The following RBBP6 variants were observed in gnomAD, a reference collection of about 807,000 sequenced individuals.
RBBP6 encodes the protein E3 ubiquitin-protein ligase RBBP6.
RBBP6 carries 25 observed loss-of-function variants against 167.7 expected under a neutral mutation model. That is an observed-to-expected ratio of 0.15 (90% confidence interval 0.11 to 0.21). The LOEUF (loss-of-function observed/expected upper bound fraction) is 0.21, where lower values mean the gene tolerates loss of function less well. RBBP6 is among the 10% of genes least tolerant of loss of function. The probability of loss-of-function intolerance (pLI) is 1.00; values close to 1 mark genes in which losing one functional copy is unlikely to be tolerated. For missense variants in RBBP6, 1,868 were observed against 2,134.2 expected, an observed-to-expected ratio of 0.88 and a Z score of 2.46; for synonymous variants, 789 against 735.8, an observed-to-expected ratio of 1.07 and a Z score of -1.17.
chr16:24,568,005 AG>A (rs1234741735), intron 16 of RBBP6, 112 bp downstream of exon 16: 2 of 837,078 alleles, frequency 2.4e-6, no homozygotes, highest in East Asian at 5.3e-5. Flanking sequence ...GATTCGGTCT[AG>A]GTGTATAGAA....
intron 7 of RBBP6, chr16:24,558,349 GTTTCTT>G (rs1431681066): frequency 5.7e-5 from 27 of 477,532 alleles, no homozygotes; most frequent in Non-Finnish European, 6.0e-5. Context: ...CTCTTCTTCT[GTTTCTT>G]TTTCTATCCT....
chr16:24,561,688 T>A lies in RBBP6; in HGVS notation c.924T>A (p.Ala308=), dbSNP rs201845906. ...TCHQNDVSPD[A]LIANKFLRQA... is the part of the protein sequence containing the mutation. Reference sequence around the variant, plus strand: ...ATCAAAATGATGTTTCTCCTGATGCTTTAATTGCCAATAAATTTTTACGAC... The same window carrying A: ...ATCAAAATGATGTTTCTCCTGATGCATTAATTGCCAATAAATTTTTACGAC... Residue 308 remains alanine (A), a synonymous_variant, in exon 9 of 18, where the codon GCT becomes GCA. Transcript: ENST00000319715. 14 of 1,614,132 alleles carry A rather than the reference T, an allele frequency of 8.7e-6. No homozygotes were observed. The East Asian group carries it at 3.1e-4, about 36-fold the overall frequency.
At chr16:24,546,334 G>C (rs761109154) in intron 2 of RBBP6, 72 bp downstream of exon 2, 27 of 1,405,418 alleles carry the variant, frequency 1.9e-5, no homozygotes, top group Non-Finnish European at 2.4e-5. Context: ...AGAAAAAACT[G>C]TATTTTAGAA....
intron 7 of RBBP6, 73 bp from the exon 8 acceptor site, chr16:24,559,432 G>A (rs934197010): frequency 7.8e-5 from 99 of 1,266,562 alleles, no homozygotes; most frequent in Admixed American, 5.4e-4. Context: ...TTCCCATTAT[G>A]TTATAGTAGA....
chr16:24,567,973 C>G, intron 16 of RBBP6, 80 bp downstream of exon 16: 1 of 1,195,414 alleles, frequency 8.4e-7, no homozygotes, highest in Non-Finnish European at 1.2e-6. Context: ...ATATAAAGAA[C>G]ATTGCACTTA....
intron 5 of RBBP6, 51 bp from the exon 6 acceptor site, chr16:24,555,770 A>C: frequency 2.5e-6 from 4 of 1,585,552 alleles, no homozygotes; most frequent in Non-Finnish European, 3.5e-6. Context: ...AATCAAAAGC[A>C]CTATTTTTTC....
At chr16:24,541,759 T>C (rs530571930) in intron 1 of RBBP6, among the ~76,000 whole-genome samples, 2 of 152,360 alleles carry the variant, frequency 1.3e-5, no homozygotes, top group South Asian at 4.1e-4. Context: ...ATGTGTATTT[T>C]TTAGCAGTTC....
Position 24,569,963 on chromosome 16 carries a change from T to C in RBBP6, c.3273T>C (p.Ala1091=), listed in dbSNP as rs745527200. 21 of 1,592,290 alleles carry C rather than the reference T, an allele frequency of 1.3e-5. No homozygotes were observed. The East Asian group carries it at 4.5e-4, about 34-fold the overall frequency. The change falls in exon 17 of 18, where the codon GCT becomes GCC. Residue 1091 remains alanine (A), a synonymous_variant. Coordinates refer to ENST00000319715, the MANE Select transcript of RBBP6 (RefSeq NM_006910.5). ...DEKITGTPRK[A]HSKSAKEHQE... is the part of the protein sequence containing the mutation. ...AAATCACTGGAACCCCCAGAAAAGC[T>C]CACTCTAAATCAGCAAAAGAACACC...
At chr16:24,567,931 C>G in intron 16 of RBBP6, 38 bp downstream of exon 16, 1 of 1,516,992 alleles carries the variant, frequency 6.6e-7, no homozygotes, top group South Asian at 1.1e-5. Context: ...GAATTACAAA[C>G]GGGACTTTGA....
chr16:24,553,729 C>CT (rs1387650807), intron 4 of RBBP6, 172 bp downstream of exon 4: 1 of 409,732 alleles, frequency 2.4e-6, no homozygotes, highest in Admixed American at 3.9e-5. Flanking sequence ...TAGGGGAATA[C>CT]TTTGTCAGCC....
intron 6 of RBBP6, 88 bp from the exon 7 acceptor site, chr16:24,556,220 A>G: frequency 9.2e-7 from 1 of 1,082,520 alleles, no homozygotes; most frequent in Non-Finnish European, 1.3e-6. Context: ...CAAGTAATAT[A>G]GTAAGCACTG....
rs781242790 is a variant in RBBP6, at chr16:24,570,412, A to C, written c.3722A>C (p.Lys1241Thr). ...GAAAAATTGGAGTCAACATCTAGCA[A>C]AGTTAAACAAGAAAAAGTCAAAGGA... ...PSEKLESTSS[K>T]VKQEKVKGKV... Residue 1241 changes from lysine to threonine, a missense_variant, in exon 17 of 18, where the codon AAA becomes ACA. Coordinates refer to ENST00000319715, the MANE Select transcript of RBBP6 (RefSeq NM_006910.5). 4 of 1,610,820 alleles carry C rather than the reference A, an allele frequency of 2.5e-6. No individual in the cohort carries two copies. The Admixed American group carries it at 5.1e-5, about 20-fold the overall frequency.
In RBBP6 at chr16:24,571,890, C is replaced by T. The variant is rs760385981; in HGVS notation, c.4824C>T (p.Asp1608=). The part of the protein sequence containing the change: ...VEKEQITGQI[D]KSTVKPKPQL... ...AAGAGCAAATTACTGGGCAAATTGACAAGAGTACTGTCAAGCCTAAACCCC... is the reference window on the plus strand; with the variant it reads ...AAGAGCAAATTACTGGGCAAATTGATAAGAGTACTGTCAAGCCTAAACCCC... The change falls in exon 18 of 18, where the codon GAC becomes GAT. Residue 1608 remains aspartate, a synonymous_variant. Coordinates refer to ENST00000319715, the MANE Select transcript of RBBP6 (RefSeq NM_006910.5). 6.2e-7 allele frequency: 1 copy of T among 1,614,090 alleles called. No homozygotes were observed. Among genetic ancestry groups the T allele is most frequent in the East Asian group, 2.2e-5 (1 of 44,876 alleles).
At chr16:24,552,803 GC>G (rs138034960) in intron 3 of RBBP6, among the ~76,000 whole-genome samples, 8,771 of 151,700 alleles carry the variant, frequency 0.058, 352 homozygotes, top group Middle Eastern at 0.13. Context: ...CTTTTTTAAA[GC>G]CCTCTTATAT....
rs1278032329 is a variant in RBBP6 at position 24,539,723 on chromosome 16, C to T, written c.-904C>T. ...CTGCCCAGCAGCTTGCGGGCGTGTT[C>T]TCGCGGTTCCGGGCCTCAAGGCGAC... is the stretch of plus-strand genomic sequence containing the variant. On this transcript the variant is annotated 5_prime_UTR_variant, in exon 1 of 18. Coordinates refer to ENST00000319715, the MANE Select transcript of RBBP6 (RefSeq NM_006910.5). 6.6e-6 allele frequency: 1 copy of T among 152,230 alleles called. No homozygotes were observed. Among genetic ancestry groups the T allele is most frequent in the African/African-American group, 2.4e-5 (1 of 41,464 alleles). 9.4% of individuals were successfully genotyped at this position (152,230 alleles called of 1,614,324 possible). A position where few individuals can be genotyped will look rare whatever the true frequency, so the allele number is the denominator to read the frequency against.
chr16:24,553,386 T>C, intron 3 of RBBP6, 127 bp from the exon 4 acceptor site: 1 of 694,190 alleles, frequency 1.4e-6, no homozygotes, highest in Non-Finnish European at 2.4e-6. Flanking sequence ...TTTTCAAGCT[T>C]AACATTCTTT....
chr16:24,545,325 G>A (rs1898617007), intron 1 of RBBP6, among the ~76,000 whole-genome samples: 1 of 152,130 alleles, frequency 6.6e-6, no homozygotes, highest in South Asian at 2.1e-4. Context: ...GCCCCCCTCA[G>A]CCTCCCAAAA....
rs1898732235 is a variant in RBBP6, at chr16:24,548,961, G to A, written c.283G>A (p.Ala95Thr). The A allele has an allele frequency of 9.3e-6, 15 of 1,610,724 alleles. No homozygotes were observed. Among genetic ancestry groups the A allele is most frequent in the Middle Eastern group, 3.3e-4 (2 of 6,048 alleles). Residue 95 changes from alanine (A) to threonine (T), a missense_variant, in exon 3 of 18, where the codon GCG becomes ACG. Transcript: ENST00000319715. ...KTYVISRTEP[A>T]MATTKAIDDS... is the part of the protein sequence containing the mutation. ...GTGTTTTAGAAGTCGAACTGAACCA[G>A]CGATGGCAACTACAAAAGCAGTATG... is the stretch of plus-strand genomic sequence containing the variant.
rs1293874328 is a variant in RBBP6 at position 24,540,276 on chromosome 16, T to G, written c.-351T>G. On this transcript the variant is annotated 5_prime_UTR_variant, in exon 1 of 18. Transcript: ENST00000319715. ...TCGCTCGGACTCTTAACGTGTGGAC[T>G]GACCGCTACTGACTGCACCGCCAAT... is the stretch of plus-strand genomic sequence containing the variant. 4.9e-6 allele frequency: 1 copy of G among 204,546 alleles called. No homozygotes were observed. The highest frequency in any genetic ancestry group is 1.2e-4 in the East Asian group (1 of 8,130). The allele number at this position is 204,546 out of a possible 1,614,324, so 12.7% of individuals were successfully genotyped here.
Sources: gnomAD v4.1 joint callset for allele counts (sites outside exome capture counted in the v4.1 genomes callset) on GRCh38, gnomAD v4.1.1 for gene constraint, MANE v1.5 for transcripts, NCBI Gene and HGNC (gene_info 2026-07-23, HGNC 2026-07-21) for gene names.